Variants in LEMD2 observed in about 807,000 individuals in gnomAD.
LEMD2 encodes LEM domain nuclear envelope protein 2, also known as LEM domain-containing protein 2.
Under a neutral mutation model 58.8 loss-of-function variants are expected in LEMD2, and 34 were observed. That is an observed-to-expected ratio of 0.58 (90% CI 0.44 to 0.77). The LOEUF (loss-of-function observed/expected upper bound fraction) is 0.77. Among genes scored for constraint, LEMD2 ranks in the 30% least tolerant of loss-of-function variants. The pLI, the probability that LEMD2 is intolerant of heterozygous loss-of-function variation, is 0.00. For missense variants in LEMD2, 629 were observed against 717.9 expected, an observed-to-expected ratio of 0.88 and a Z score of 1.42; for synonymous variants, 298 against 308.9, an observed-to-expected ratio of 0.96 and a Z score of 0.37.
chr6:33,786,910 G>T, intron 1 of LEMD2, 136 bp from the exon 2 acceptor site: 1 of 1,471,310 alleles, frequency 6.8e-7, no homozygotes, highest in Admixed American at 2.9e-5. Context: ...TGTCATCTAA[G>T]GAAGGCACTT....
In LEMD2 at chr6:33,777,037, G is replaced by A. The variant is rs139504669; in HGVS notation, c.1278C>T (p.Tyr426=). The change falls in exon 8 of 9, where the codon TAC becomes TAT. Residue 426 remains tyrosine, a synonymous_variant. Transcript: ENST00000293760. ...GCTCCATGTCCTGCTCCCAGTCCACGTAATGGTCCTGGACCACGTCTGCAG... is the reference window on the plus strand; with the variant it reads ...GCTCCATGTCCTGCTCCCAGTCCACATAATGGTCCTGGACCACGTCTGCAG... ...KKIIDVVQDH[Y]VDWEQDMERY... is the part of the protein sequence containing the mutation. 7,383 of 1,614,106 alleles carry A rather than the reference G, an allele frequency of 4.6e-3. 18 individuals carry two copies. Among genetic ancestry groups the A allele is most frequent in the Non-Finnish European group, 5.4e-3 (6,356 of 1,179,960 alleles).
Position 33,788,530 on chromosome 6 carries a change from G to A in LEMD2, c.587C>T (p.Ala196Val). ...RATRAGPAGA[A>V]RARPEVGRRL... ...GCGCCCCACCTCAGGCCGGGCCCTC[G>A]CCGCGCCAGCAGGGCCCGCTCGAGT... is the stretch of plus-strand genomic sequence containing the variant. The change falls in exon 1 of 9, where the codon GCG becomes GTG. Residue 196 changes from alanine to valine, a missense_variant. Ala to Val is a moderately conservative substitution (Grantham distance 64). Around this residue, in one of 2 missense-constraint regions of LEMD2, gnomAD observed 386 missense variants for 381.1 expected, o/e 1.01. Coordinates refer to ENST00000293760, the MANE Select transcript of LEMD2 (RefSeq NM_181336.4). 2 of 1,508,128 alleles carry A rather than the reference G, an allele frequency of 1.3e-6. No homozygotes were observed. Among genetic ancestry groups the A allele is most frequent in the African/African-American group, 1.4e-5 (1 of 69,120 alleles). 93.4% of individuals were successfully genotyped at this position (1,508,128 alleles called of 1,614,324 possible). A position where few individuals can be genotyped will look rare whatever the true frequency, so the allele number is the denominator to read the frequency against.
At chr6:33,784,263 C>A (rs544218469) in intron 3 of LEMD2, 89 bp downstream of exon 3, 2 of 1,030,386 alleles carry the variant, frequency 1.9e-6, no homozygotes, top group Admixed American at 1.7e-5. Flanking sequence ...GTCTCGCTGG[C>A]CAGCAGCAGT....
chr6:33,781,491 G>A (rs1432114947), intron 3 of LEMD2: 3 of 225,118 alleles, frequency 1.3e-5, no homozygotes, highest in Non-Finnish European at 2.6e-5. Context: ...AATAAACACA[G>A]CCTGAGAAAA....
intron 1 of LEMD2, among the ~76,000 whole-genome samples, chr6:33,787,893 G>A (rs532495912): frequency 7.2e-5 from 11 of 152,350 alleles, no homozygotes; most frequent in African/African-American, 2.4e-4. Context: ...GCGGCCCTGT[G>A]ATTCAAAGAA....
Position 33,788,842 on chromosome 6 carries a change from G to A in LEMD2, c.275C>T (p.Pro92Leu). 2.1e-6 allele frequency: 3 copies of A among 1,409,670 alleles called. No individual in the cohort carries two copies. Among genetic ancestry groups the A allele is most frequent in the South Asian group, 2.9e-5 (2 of 68,312 alleles). The allele number at this position is 1,409,670 out of a possible 1,614,324, so 87.3% of individuals were successfully genotyped here. ...GGTCGCGTAGGCCGAGCCCGAGGCC[G>A]GCTGGGAGAGCCAGGGCTCCGCCCG... is the stretch of plus-strand genomic sequence containing the variant. The part of the protein sequence containing the change: ...SPRAEPWLSQ[P>L]ASGSAYATPG... Residue 92 changes from proline (P) to leucine (L), a missense_variant, in exon 1 of 9, where the codon CCG (proline) becomes CTG (leucine). Pro to Leu is a moderately conservative substitution (Grantham distance 98). Transcript: ENST00000293760.
At chr6:33,781,475 A>C (rs532333785) in intron 3 of LEMD2, 208 of 273,084 alleles carry the variant, frequency 7.6e-4, no homozygotes, top group Middle Eastern at 4.3e-3. Flanking sequence ...CCGGAATGGC[A>C]CTATAAATAA....
intron 1 of LEMD2, 40 bp downstream of exon 1, chr6:33,788,339 ACG>A: frequency 6.6e-7 from 1 of 1,504,464 alleles, no homozygotes; most frequent in Non-Finnish European, 8.9e-7. Context: ...CGGCGGACAC[ACG>A]CGCGCCCAGG....
chr6:33,788,031 C>T (rs911057673), intron 1 of LEMD2, among the ~76,000 whole-genome samples: 1 of 152,196 alleles, frequency 6.6e-6, no homozygotes, highest in Non-Finnish European at 1.5e-5. Flanking sequence ...AAGGGAAGAA[C>T]CCAAACGGAT....
chr6:33,781,962 G>A (rs6922275), intron 3 of LEMD2: 75,581 of 152,232 alleles, frequency 0.5, 19,743 homozygotes, highest in East Asian at 0.82. Context: ...CAGCCTGGGG[G>A]ACTTCGGGTG....
At chr6:33,786,644 G>T (rs1767683838) in intron 2 of LEMD2, 90 bp downstream of exon 2, 2 of 978,266 alleles carry the variant, frequency 2.0e-6, no homozygotes, top group South Asian at 2.7e-5. Context: ...CCCTGAAAAT[G>T]ATCCTATTCT....
chr6:33,789,018 G>A lies in LEMD2; in HGVS notation c.99C>T (p.Asn33=), dbSNP rs1028306497. 1.9e-6 allele frequency: 3 copies of A among 1,555,642 alleles called. No homozygotes were observed. The highest frequency in any genetic ancestry group is 3.5e-4 in the Middle Eastern group (2 of 5,672). The change falls in exon 1 of 9, where the codon AAC becomes AAT. Residue 33 remains asparagine (N), a synonymous_variant. Coordinates refer to ENST00000293760, the MANE Select transcript of LEMD2 (RefSeq NM_181336.4). ...ITDTTRDVYR[N]KLRRLRGEAR... is the part of the protein sequence containing the mutation. ...CCTCGCCCCGCAGGCGGCGCAGCTT[G>A]TTGCGGTAGACATCCCGGGTGGTGT...
rs141693879 is a variant in LEMD2, at chr6:33,776,986, G to A, written c.1329C>T (p.His443=). Reference sequence around the variant, plus strand: ...GTGGAGGGATCAAGCTGTCGCGCACGTGCAGGATGCCTACATATGGATAGC... The same window carrying A: ...GTGGAGGGATCAAGCTGTCGCGCACATGCAGGATGCCTACATATGGATAGC... ...MERYPYVGIL[H]VRDSLIPPQS... Residue 443 remains histidine, a synonymous_variant, in exon 8 of 9, where the codon CAC becomes CAT. Coordinates refer to ENST00000293760, the MANE Select transcript of LEMD2 (RefSeq NM_181336.4). The A allele has an allele frequency of 8.1e-6, 13 of 1,614,036 alleles. No homozygotes were observed. The highest frequency in any genetic ancestry group is 8.0e-5 in the African/African-American group (6 of 75,052).
intron 2 of LEMD2, among the ~76,000 whole-genome samples, chr6:33,785,702 C>T (rs968178698): frequency 6.6e-6 from 1 of 152,364 alleles, no homozygotes; most frequent in South Asian, 2.1e-4. Flanking sequence ...TCCCCTCTGG[C>T]TGCCTGTGTT....
chr6:33,780,534 C>T (rs990208111), intron 4 of LEMD2, among the ~76,000 whole-genome samples: 3 of 152,144 alleles, frequency 2.0e-5, no homozygotes, highest in East Asian at 1.9e-4. Flanking sequence ...GCCCAGTGGC[C>T]GGTGCAAGTG....
intron 8 of LEMD2, 110 bp downstream of exon 8, chr6:33,776,844 G>C: frequency 1.2e-6 from 1 of 849,402 alleles, no homozygotes; most frequent in Non-Finnish European, 1.9e-6. Flanking sequence ...CCTGGGGTCT[G>C]CACTGCCCTC....
rs1767428766 is a variant in LEMD2 at position 33,776,313 on chromosome 6, A to AC, written c.1361+640_1361+641insG. Among the ~76,000 whole-genome samples, 4 of 152,260 alleles carry AC rather than the reference A, an allele frequency of 2.6e-5. No individual in the cohort carries two copies. The South Asian group carries it at 8.3e-4, about 31-fold the overall frequency. On this transcript the variant is annotated intron_variant, in intron 8 of 8. Transcript: ENST00000293760. ...GAAAAACAATTTCCTCCTCCTTGCC[A>AC]GTGACTGATTCATAAACAGACATGT...
intron 8 of LEMD2, 147 bp from the exon 9 acceptor site, chr6:33,772,925 G>T: frequency 1.5e-6 from 1 of 671,430 alleles, no homozygotes. Context: ...CATGACAACT[G>T]CAGAGGAGAA....
intron 1 of LEMD2, 43 bp from the exon 2 acceptor site, chr6:33,786,817 T>G: frequency 6.2e-7 from 1 of 1,610,138 alleles, no homozygotes; most frequent in East Asian, 2.2e-5. Context: ...AAGTGTGGGT[T>G]GAGAAAGGAA....
Sources: gnomAD v4.1 joint callset for allele counts (sites outside exome capture counted in the v4.1 genomes callset) on GRCh38, gnomAD v4.1.1 for gene constraint, gnomAD v4.1.1 regional missense constraint, MANE v1.5 for transcripts, NCBI Gene and HGNC (gene_info 2026-07-23, HGNC 2026-07-21) for gene names.